CCSER2: variants seen among roughly 807,000 people sequenced by gnomAD.
The protein encoded by CCSER2 is coiled-coil serine rich protein 2.
Under a neutral mutation model 92.3 loss-of-function variants are expected in CCSER2, and 46 were observed. That is an observed-to-expected ratio of 0.50 (90% CI 0.39 to 0.64). The LOEUF (loss-of-function observed/expected upper bound fraction) is 0.64. Among genes scored for constraint, CCSER2 ranks in the 30% least tolerant of loss-of-function variants. CCSER2 has a pLI of 0.00. For synonymous variants in CCSER2, 433 were observed against 431.4 expected (o/e 1.00, Z -0.04); for missense variants, 1,244 against 1,238.9 (o/e 1.00, Z -0.06).
chr10:84,350,443 T>A (rs1382698755), intron 1 of CCSER2, among the ~76,000 whole-genome samples: 2 of 152,176 alleles, frequency 1.3e-5, no homozygotes, highest in Non-Finnish European at 2.9e-5. Flanking sequence ...AGGGACCAGG[T>A]CTGTTCTGTG....
At chr10:84,457,908 A>G (rs1045230941) in intron 6 of CCSER2, among the ~76,000 whole-genome samples, 1 of 150,628 alleles carries the variant, frequency 6.6e-6, no homozygotes, top group Non-Finnish European at 1.5e-5. Flanking sequence ...CGCCCAGCTA[A>G]TTTTTTGTAT....
At chr10:84,496,041 A>AGG (rs2131822113) in intron 9 of CCSER2, among the ~76,000 whole-genome samples, 1 of 150,206 alleles carries the variant, frequency 6.7e-6, no homozygotes, top group South Asian at 2.1e-4. Context: ...ATTTATATAT[A>AGG]GTGTTTTGAG....
intron 3 of CCSER2, among the ~76,000 whole-genome samples, chr10:84,415,541 T>A (rs1842848094): frequency 6.6e-6 from 1 of 152,204 alleles, no homozygotes; most frequent in Admixed American, 6.5e-5. Context: ...GGAAACTCCA[T>A]TCCAGAGGTT....
chr10:84,333,464 C>T (rs1843682060), intron 1 of CCSER2, among the ~76,000 whole-genome samples: 3 of 152,156 alleles, frequency 2.0e-5, no homozygotes, highest in Admixed American at 2.0e-4. Flanking sequence ...AGCATTGGAA[C>T]TGGAACTCAG....
At chr10:84,464,839 C>T (rs917489073) in intron 7 of CCSER2, among the ~76,000 whole-genome samples, 2 of 151,986 alleles carry the variant, frequency 1.3e-5, no homozygotes, top group Non-Finnish European at 2.9e-5. Flanking sequence ...TTGGATGTGG[C>T]ACATATCACT....
chr10:84,422,360 C>T (rs1002551111), intron 4 of CCSER2, among the ~76,000 whole-genome samples: 1 of 152,060 alleles, frequency 6.6e-6, no homozygotes. Flanking sequence ...TATTTTAGTG[C>T]CTGTATCAAT....
intron 6 of CCSER2, among the ~76,000 whole-genome samples, chr10:84,460,087 ATTT>A (rs34335757): frequency 2.9e-5 from 3 of 103,256 alleles, no homozygotes; most frequent in African/African-American, 7.2e-5. Flanking sequence ...TGATTCTTCG[ATTT>A]TTTTTTTTTT....
intron 5 of CCSER2, among the ~76,000 whole-genome samples, chr10:84,429,577 T>C (rs1206804228): frequency 6.6e-6 from 1 of 152,004 alleles, no homozygotes; most frequent in East Asian, 1.9e-4. Flanking sequence ...ACTGAGCGTG[T>C]CTTCCACATG....
intron 3 of CCSER2, among the ~76,000 whole-genome samples, chr10:84,377,523 T>C (rs1326623577): frequency 6.6e-6 from 1 of 152,264 alleles, no homozygotes; most frequent in Non-Finnish European, 1.5e-5. Context: ...TTATATGTTA[T>C]TTTCATTATC....
intron 9 of CCSER2, among the ~76,000 whole-genome samples, chr10:84,488,464 C>A (rs1255864142): frequency 6.6e-6 from 1 of 152,086 alleles, no homozygotes; most frequent in African/African-American, 2.4e-5. Flanking sequence ...CTGGTTTAGT[C>A]TTGGGAGGGT....
intron 9 of CCSER2, among the ~76,000 whole-genome samples, chr10:84,509,379 G>A (rs552967338): frequency 3.5e-4 from 53 of 152,058 alleles, no homozygotes; most frequent in Non-Finnish European, 6.0e-4. Flanking sequence ...CAACTATAAC[G>A]AAAAATGAAT....
chr10:84,376,622 T>C (rs1271118412), intron 3 of CCSER2, among the ~76,000 whole-genome samples: 4 of 152,162 alleles, frequency 2.6e-5, no homozygotes, highest in African/African-American at 7.2e-5. Context: ...TGGTTCCAGT[T>C]TCTGGCTATT....
intron 8 of CCSER2, among the ~76,000 whole-genome samples, chr10:84,474,552 T>C (rs1388829503): frequency 6.6e-6 from 1 of 150,532 alleles, no homozygotes; most frequent in Non-Finnish European, 1.5e-5. Flanking sequence ...TCTCAGCTAC[T>C]CAGGAGGCTG....
intron 9 of CCSER2, among the ~76,000 whole-genome samples, chr10:84,502,367 C>CTTTTTTT (rs562377515): frequency 9.0e-6 from 1 of 111,256 alleles, no homozygotes; most frequent in Non-Finnish European, 1.8e-5. Context: ...TTGATGACTT[C>CTTTTTTT]TTTTTTTTTT....
intron 3 of CCSER2, chr10:84,391,640 G>C: frequency 1.3e-6 from 2 of 1,536,430 alleles, no homozygotes; most frequent in East Asian, 2.3e-5. Context: ...CTAGCTTGTA[G>C]AAATCATTAA....
intron 4 of CCSER2, among the ~76,000 whole-genome samples, chr10:84,424,006 ACT>A (rs1251752569): frequency 7.0e-6 from 1 of 143,456 alleles, no homozygotes; most frequent in Non-Finnish European, 1.5e-5. Context: ...AAAAAAAAAG[ACT>A]CTCCATGGCG....
chr10:84,333,133 T>C (rs1419728795), intron 1 of CCSER2, among the ~76,000 whole-genome samples: 1 of 152,296 alleles, frequency 6.6e-6, no homozygotes, highest in Middle Eastern at 3.4e-3. Flanking sequence ...ATGACAGCAA[T>C]ATATTGGTTA....
At chr10:84,400,236 A>G (rs1842048031) in intron 3 of CCSER2, among the ~76,000 whole-genome samples, 1 of 152,160 alleles carries the variant, frequency 6.6e-6, no homozygotes, top group South Asian at 2.1e-4. Context: ...AGTCCAGTTT[A>G]TCTATTTTTG....
chr10:84,386,117 T>A (rs184997686), intron 3 of CCSER2, among the ~76,000 whole-genome samples: 6 of 152,288 alleles, frequency 3.9e-5, no homozygotes, highest in African/African-American at 1.4e-4. Flanking sequence ...AGGGAATACT[T>A]ATAACACTGT....
Sources: gnomAD v4.1 joint callset for allele counts (sites outside exome capture counted in the v4.1 genomes callset) on GRCh38, gnomAD v4.1.1 for gene constraint, MANE v1.5 for transcripts, NCBI Gene and HGNC (gene_info 2026-07-23, HGNC 2026-07-21) for gene names.